The following HELZ variants were observed in gnomAD, a reference collection of about 807,000 sequenced individuals.
The protein encoded by HELZ is ATP-dependent RNA helicase with zinc finger domain.
In HELZ, 23 loss-of-function variants were observed where a neutral mutation model predicts 218.2. The ratio of observed to expected loss-of-function variants is 0.11; its 90% CI spans 0.08 to 0.15. HELZ has a LOEUF of 0.15. Ranked by LOEUF, HELZ falls within the 10% of genes least tolerant of loss-of-function variation. The pLI is 1.00. For synonymous variants in HELZ, 814 were observed against 829.4 expected, an observed-to-expected ratio of 0.98 and a Z score of 0.32; for missense variants, 1,813 against 2,353.7, an observed-to-expected ratio of 0.77 and a Z score of 4.75.
chr17:67,129,791 AAATT>A (rs2037920358), intron 23 of HELZ, among the ~76,000 whole-genome samples: 1 of 152,112 alleles, frequency 6.6e-6, no homozygotes. Context: ...CTAAATATTA[AAATT>A]ATTAAATACA....
intron 5 of HELZ, 134 bp from the exon 6 acceptor site, chr17:67,203,577 G>A (rs1041206034): frequency 2.0e-6 from 2 of 996,198 alleles, no homozygotes; most frequent in Non-Finnish European, 1.4e-6. Flanking sequence ...CTAGAGGGAA[G>A]CAGTGGTGTT....
intron 11 of HELZ, 98 bp downstream of exon 11, chr17:67,189,491 A>G (rs1287820492): frequency 2.8e-6 from 2 of 710,806 alleles, no homozygotes; most frequent in South Asian, 3.6e-5. Flanking sequence ...TTAGATTAAA[A>G]TATTTTCAAT....
At chr17:67,228,868 G>A (rs529951595) in intron 3 of HELZ, among the ~76,000 whole-genome samples, 1 of 151,972 alleles carries the variant, frequency 6.6e-6, no homozygotes, top group Non-Finnish European at 1.5e-5. Context: ...ACAGGCATAC[G>A]CCACCACACC....
At chr17:67,103,690 G>A (rs1274992352) in intron 31 of HELZ, among the ~76,000 whole-genome samples, 5 of 152,142 alleles carry the variant, frequency 3.3e-5, no homozygotes, top group Non-Finnish European at 7.4e-5. Context: ...GAGATTTAAA[G>A]CAATTCTTTT....
At position 67,079,935 on chromosome 17, in the gene HELZ, CAT is replaced by C. The variant is rs545579646; in HGVS notation, c.5495-1351_5495-1350del. On this transcript the variant is annotated intron_variant, in intron 32 of 32. Transcript: ENST00000358691. ...CATATGAAGAATACTATTCTTTTGTCATATGTTGCAAATATTTTTACCTGTTT... is the reference window on the plus strand; with the variant it reads ...CATATGAAGAATACTATTCTTTTGTCATGTTGCAAATATTTTTACCTGTTT... 2.2e-4 allele frequency among the ~76,000 whole-genome samples: 33 copies of C among 152,198 alleles called. No individual in the cohort carries two copies. The South Asian group carries it at 6.4e-3, about 30-fold the overall frequency.
chr17:67,148,078 C>T (rs952236192), intron 20 of HELZ, among the ~76,000 whole-genome samples: 1 of 152,164 alleles, frequency 6.6e-6, no homozygotes, highest in African/African-American at 2.4e-5. Flanking sequence ...AAAAGAGGGT[C>T]GCAGGACCCT....
chr17:67,148,618 A>G lies in HELZ; in HGVS notation c.2572T>C (p.Cys858Arg), dbSNP rs760522345. 3 of 1,613,896 alleles carry G rather than the reference A, an allele frequency of 1.9e-6. No homozygotes were observed. The highest frequency in any genetic ancestry group is 2.5e-6 in the Non-Finnish European group (3 of 1,179,834). The change falls in exon 20 of 33, where the codon TGT (cysteine) becomes CGT (arginine). Residue 858 changes from cysteine (C) to arginine (R), a missense_variant. Physicochemically the swap from Cys to Arg is radical, Grantham distance 180. This residue lies in a region of HELZ where 714 missense variants were observed against 1,029.2 expected (regional missense o/e 0.69). Transcript: ENST00000358691. ...TAGTTCTCACACAGGAGAATCCTAC[A>G]TGGGAACTCAGCAGGGTAATGCTCA... ...LYEHYPAEFP[C>R]RILLCENYRS...
At chr17:67,093,077 A>G (rs2036623571) in intron 31 of HELZ, among the ~76,000 whole-genome samples, 1 of 152,266 alleles carries the variant, frequency 6.6e-6, no homozygotes, top group African/African-American at 2.4e-5. Context: ...AAGAAACAAT[A>G]GTGATGTTTT....
At chr17:67,116,976 C>T (rs1235845072) in intron 27 of HELZ, among the ~76,000 whole-genome samples, 1 of 152,222 alleles carries the variant, frequency 6.6e-6, no homozygotes, top group African/African-American at 2.4e-5. Flanking sequence ...TCTGCCTCAG[C>T]CTCCCGAGTA....
At chr17:67,244,726 T>C in intron 1 of HELZ, 3 of 984,588 alleles carry the variant, frequency 3.0e-6, no homozygotes, top group Middle Eastern at 5.2e-4. Flanking sequence ...AGGGGGGGCA[T>C]CGAGCGGGGC....
In HELZ at chr17:67,138,113, A is replaced by G. The variant is rs756353205; in HGVS notation, c.2771T>C (p.Val924Ala). Residue 924 changes from valine to alanine, a missense_variant and splice_region_variant, in exon 22 of 33, where the codon GTG becomes GCG. Val to Ala is a moderately conservative substitution (Grantham distance 64). Coordinates refer to ENST00000358691, the MANE Select transcript of HELZ (RefSeq NM_014877.4). ...TTCTACACGTTCCACCACTTCAAAC[A>G]CCTTTAAAAACAAACACACACATAC... ...NSTAFYNNAE[V>A]FEVVERVEEL... 3.7e-6 allele frequency: 6 copies of G among 1,606,362 alleles called. No individual in the cohort carries two copies. Among genetic ancestry groups the G allele is most frequent in the East Asian group, 2.2e-5 (1 of 44,706 alleles).
At chr17:67,234,496 TG>T (rs954627708) in intron 3 of HELZ, among the ~76,000 whole-genome samples, 9 of 151,926 alleles carry the variant, frequency 5.9e-5, no homozygotes, top group Middle Eastern at 3.4e-3. Context: ...CTAAAGGCCC[TG>T]TCTCTCAGTT....
At position 67,070,781 on chromosome 17, in the gene HELZ, A is replaced by G. The variant is rs2035866998; in HGVS notation, c.*7471T>C. On this transcript the variant is annotated 3_prime_UTR_variant, in exon 33 of 33. Transcript: ENST00000358691. The stretch of plus-strand genomic sequence containing the variant: ...AGGTATCATTTACTGCAAAGAAAAA[A>G]AATTGTTATAATTTTGCCATAAGTT... 1 of 152,198 alleles carries G rather than the reference A, an allele frequency of 6.6e-6. No individual in the cohort carries two copies. The highest frequency in any genetic ancestry group is 2.1e-4 in the South Asian group (1 of 4,832). The allele number at this position is 152,198 out of a possible 1,614,324, so 9.4% of individuals were successfully genotyped here.
intron 31 of HELZ, among the ~76,000 whole-genome samples, chr17:67,090,806 A>G (rs1281058651): frequency 2.6e-5 from 4 of 152,022 alleles, no homozygotes; most frequent in Non-Finnish European, 5.9e-5. Context: ...CAATTTTACT[A>G]ATCTTTCCGA....
intron 10 of HELZ, 31 bp downstream of exon 10, chr17:67,190,122 GACAA>G: frequency 2.6e-6 from 4 of 1,564,050 alleles, no homozygotes; most frequent in Non-Finnish European, 3.5e-6. Context: ...CATTGTTTAA[GACAA>G]ACAAAAAATA....
At chr17:67,171,976 T>C (rs9905871) in intron 13 of HELZ, among the ~76,000 whole-genome samples, 45,572 of 151,516 alleles carry the variant, frequency 0.3, 9,181 homozygotes, top group African/African-American at 0.58. Context: ...GGATTACAGG[T>C]GCCCACCACC....
intron 28 of HELZ, among the ~76,000 whole-genome samples, chr17:67,112,569 G>C (rs768334626): frequency 2.6e-5 from 4 of 152,236 alleles, no homozygotes; most frequent in Non-Finnish European, 4.4e-5. Flanking sequence ...AGTGGGTACT[G>C]AATCCTTCCA....
In HELZ at chr17:67,078,159, G is replaced by C. The variant is rs2036072055; in HGVS notation, c.*93C>G. The stretch of plus-strand genomic sequence containing the variant: ...AACATATTTAATATTAAAACAAAGG[G>C]AACTGTGCATCTATAGATGAAGTCC... On this transcript the variant is annotated 3_prime_UTR_variant, in exon 33 of 33. Coordinates refer to ENST00000358691, the MANE Select transcript of HELZ (RefSeq NM_014877.4). 1.3e-6 allele frequency: 1 copy of C among 797,046 alleles called. No homozygotes were observed. The highest frequency in any genetic ancestry group is 2.7e-5 in the East Asian group (1 of 37,526). The allele number at this position is 797,046 out of a possible 1,614,324, so 49.4% of individuals were successfully genotyped here.
At chr17:67,242,927 C>A (rs2041365481) in intron 2 of HELZ, among the ~76,000 whole-genome samples, 1 of 151,470 alleles carries the variant, frequency 6.6e-6, no homozygotes. Context: ...AATCCAGAGG[C>A]CCAGATGTGT....
Sources: allele counts gnomAD v4.1 joint callset (sites outside exome capture counted in the v4.1 genomes callset), GRCh38; gene constraint gnomAD v4.1.1; regional missense constraint gnomAD v4.1.1; transcripts MANE v1.5; gene names NCBI Gene and HGNC (gene_info 2026-07-23, HGNC 2026-07-21).